KLC3: variants seen among roughly 807,000 people sequenced by gnomAD.
KLC3 encodes kinesin light chain 3, also known as kinesin light chain 2.
KLC3 carries 72 observed loss-of-function variants against 62.9 expected under a neutral mutation model. The observed-to-expected ratio is 1.15, with a 90% CI of 0.95 to 1.39. The LOEUF is 1.39. Among genes scored for constraint, KLC3 ranks in the 40% most tolerant of loss-of-function variants. The pLI, the probability that KLC3 is intolerant of heterozygous loss-of-function variation, is 0.00. For synonymous variants in KLC3, 377 were observed against 300.5 expected (o/e 1.25, Z -2.63); for missense variants, 848 against 691.6 (o/e 1.23, Z -2.54).
chr19:45,341,667 A>G (rs1971398807), intron 1 of KLC3, among the ~76,000 whole-genome samples: 1 of 149,546 alleles, frequency 6.7e-6, no homozygotes, highest in South Asian at 2.1e-4. Context: ...GTGATGGTGC[A>G]TGGGGCTGGG....
intron 5 of KLC3, 111 bp from the exon 6 acceptor site, chr19:45,348,535 A>G: frequency 1.9e-6 from 2 of 1,038,462 alleles, no homozygotes; most frequent in Non-Finnish European, 2.9e-6. Flanking sequence ...TGTGCCACCC[A>G]TGCTTGGTTC....
Position 45,350,712 on chromosome 19 carries a change from C to T in KLC3, c.1344C>T (p.Ser448=), listed in dbSNP as rs1185674530. The T allele has an allele frequency of 1.2e-6, 2 of 1,613,456 alleles. No individual in the cohort carries two copies. Among genetic ancestry groups the T allele is most frequent in the Non-Finnish European group, 1.7e-6 (2 of 1,179,832 alleles). ...GGCGAGGAAGTGAGAAGCTGGTCTC[C>T]CGGCTCCGAGGCGAGGCGGCGGCAG... is the stretch of plus-strand genomic sequence containing the variant. ...SIRRGSEKLV[S]RLRGEAAAGA... is the part of the protein sequence containing the mutation. Residue 448 remains serine (S), a synonymous_variant, in exon 11 of 13, where the codon TCC becomes TCT. Coordinates refer to ENST00000391946, the MANE Select transcript of KLC3 (RefSeq NM_177417.3).
intron 1 of KLC3, among the ~76,000 whole-genome samples, chr19:45,341,578 T>TGTGTGTGTGTGCGC: frequency 7.1e-4 from 99 of 139,894 alleles, no homozygotes; most frequent in South Asian, 1.9e-3. Flanking sequence ...TGTGTGTGTG[T>TGTGTGTGTGTGCGC]GCGCGCGCGC....
chr19:45,343,944 T>A (rs536804537), intron 1 of KLC3, among the ~76,000 whole-genome samples: 7 of 152,140 alleles, frequency 4.6e-5, no homozygotes, highest in Admixed American at 1.3e-4. Context: ...GTTCAAGCAA[T>A]CCTTCTACCT....
chr19:45,341,578 T>TGTGTGTGTGTGTGCGCGCGCGCGCGC, intron 1 of KLC3, among the ~76,000 whole-genome samples: 1 of 139,900 alleles, frequency 7.1e-6, no homozygotes, highest in Non-Finnish European at 1.6e-5. Flanking sequence ...TGTGTGTGTG[T>TGTGTGTGTGTGTGCGCGCGCGCGCGC]GCGCGCGCGC....
In KLC3 at chr19:45,351,364, G is replaced by A. The variant is rs771627144; in HGVS notation, c.*7G>A. ...GGACCTGAGCCCCCACTAACGTCCAGTGAACTGCGCTGGCCGCAGCTTCTT... is the reference window on the plus strand; with the variant it reads ...GGACCTGAGCCCCCACTAACGTCCAATGAACTGCGCTGGCCGCAGCTTCTT... On this transcript the variant is annotated 3_prime_UTR_variant, in exon 13 of 13. Transcript: ENST00000391946. 3 of 1,610,002 alleles carry A rather than the reference G, an allele frequency of 1.9e-6. No homozygotes were observed. The highest frequency in any genetic ancestry group is 2.5e-6 in the Non-Finnish European group (3 of 1,179,986).
intron 2 of KLC3, 42 bp from the exon 3 acceptor site, chr19:45,346,501 AG>A: frequency 6.8e-7 from 1 of 1,476,446 alleles, no homozygotes; most frequent in Non-Finnish European, 9.0e-7. Context: ...GCCGTCTGGC[AG>A]GGCAGGAACC....
In KLC3 at chr19:45,346,998, C is replaced by G. The variant is rs988335185; in HGVS notation, c.489+224C>G. ...TAGCTACTCCACGAAGCCCCCGAGC[C>G]TCGCCAGACCCCCAGGGGGCCTCTG... On this transcript the variant is annotated intron_variant, in intron 3 of 12. Transcript: ENST00000391946. 2.3e-5 allele frequency: 12 copies of G among 524,268 alleles called. No homozygotes were observed. The South Asian group carries it at 3.3e-4, about 14-fold the overall frequency. 32.5% of individuals were successfully genotyped at this position (524,268 alleles called of 1,614,324 possible). A position where few individuals can be genotyped will look rare whatever the true frequency, so the allele number is the denominator to read the frequency against.
chr19:45,351,253 TC>T, intron 12 of KLC3, 32 bp from the exon 13 acceptor site: 1 of 1,600,270 alleles, frequency 6.2e-7, no homozygotes, highest in Non-Finnish European at 8.5e-7. Flanking sequence ...GCCCCTCACC[TC>T]CCCTCCAACC....
chr19:45,350,599 A>G, intron 10 of KLC3, 42 bp from the exon 11 acceptor site: 1 of 1,613,300 alleles, frequency 6.2e-7, no homozygotes, highest in Non-Finnish European at 8.5e-7. Flanking sequence ...TGGGGACTGC[A>G]TGGGCCTGGG....
chr19:45,351,446 GC>G lies in KLC3; in HGVS notation c.*96del, dbSNP rs894183102. The G allele has an allele frequency of 4.1e-5, 65 of 1,582,496 alleles. No homozygotes were observed. The highest frequency in any genetic ancestry group is 1.3e-4 in the South Asian group (12 of 89,136). On this transcript the variant is annotated 3_prime_UTR_variant, in exon 13 of 13. Transcript: ENST00000391946. Reference sequence around the variant, plus strand: ...GTGAGAGGGGGTCTATCATCTCCTGGCCCCCCCTTGCCTCTGGGTACCTGGT... The same window carrying G: ...GTGAGAGGGGGTCTATCATCTCCTGGCCCCCCTTGCCTCTGGGTACCTGGT...
chr19:45,346,075 T>A (rs990011476), intron 2 of KLC3, among the ~76,000 whole-genome samples: 1 of 152,064 alleles, frequency 6.6e-6, no homozygotes, highest in South Asian at 2.1e-4. Context: ...GGCATGAGAA[T>A]CGCTTGAACC....
chr19:45,344,370 T>A (rs1385781549), intron 1 of KLC3, among the ~76,000 whole-genome samples: 2 of 146,822 alleles, frequency 1.4e-5, no homozygotes, highest in Non-Finnish European at 3.0e-5. Context: ...TGCGCCACCA[T>A]GCTCTGCTAT....
chr19:45,344,498 C>T (rs904806376), intron 1 of KLC3, among the ~76,000 whole-genome samples: 5 of 151,086 alleles, frequency 3.3e-5, no homozygotes, highest in Middle Eastern at 3.5e-3. Flanking sequence ...GCATTACAGG[C>T]GTGAGCCACT....
intron 2 of KLC3, 103 bp downstream of exon 2, chr19:45,345,902 C>A: frequency 1.6e-6 from 2 of 1,283,512 alleles, no homozygotes; most frequent in South Asian, 1.5e-5. Context: ...AGAGGGTTCA[C>A]TATTGCAGAG....
intron 1 of KLC3, among the ~76,000 whole-genome samples, chr19:45,343,386 G>C (rs750427522): frequency 6.6e-6 from 1 of 152,064 alleles, no homozygotes; most frequent in Non-Finnish European, 1.5e-5. Context: ...CCAGGCTGGA[G>C]TGTGGTGGCG....
intron 10 of KLC3, 30 bp downstream of exon 10, chr19:45,350,581 G>C (rs749304819): frequency 6.2e-7 from 1 of 1,613,892 alleles, no homozygotes; most frequent in South Asian, 1.1e-5. Flanking sequence ...CGGCTCCTGG[G>C]GTGGGCGTGG....
intron 1 of KLC3, chr19:45,345,225 A>T: frequency 1.9e-6 from 1 of 518,334 alleles, no homozygotes. Flanking sequence ...GGGGGACCCC[A>T]GGCTAGCTGT....
rs369702798 is a variant in KLC3, at chr19:45,350,812, CA to C, written c.1379+66del. 436 of 1,300,262 alleles carry C rather than the reference CA, an allele frequency of 3.4e-4. No homozygotes were observed. In the African/African-American group the frequency reaches 5.8e-3, roughly 17 times the overall value. The allele number at this position is 1,300,262 out of a possible 1,614,324, so 80.5% of individuals were successfully genotyped here. Reference sequence around the variant, plus strand: ...CAGAATCCACAGCCCACCCCACCCCCACCCCCATCTTGCTCAAGAACCTTCC... The same window carrying C: ...CAGAATCCACAGCCCACCCCACCCCCCCCCCATCTTGCTCAAGAACCTTCC... On this transcript the variant is annotated intron_variant, in intron 11 of 12. Transcript: ENST00000391946.
Sources: allele counts gnomAD v4.1 joint callset (sites outside exome capture counted in the v4.1 genomes callset), GRCh38; gene constraint gnomAD v4.1.1; transcripts MANE v1.5; gene names NCBI Gene and HGNC (gene_info 2026-07-23, HGNC 2026-07-21).